VEPH1: variants seen among roughly 807,000 people sequenced by gnomAD.
The protein encoded by VEPH1 is ventricular zone-expressed PH domain-containing protein homolog 1.
Under a neutral mutation model 85.2 loss-of-function variants are expected in VEPH1, and 80 were observed. The ratio of observed to expected loss-of-function variants is 0.94; its 90% CI spans 0.78 to 1.13. VEPH1 has a LOEUF of 1.13. VEPH1 is among the 50% of genes most tolerant of loss of function. VEPH1 has a pLI of 0.00. For synonymous variants in VEPH1, 297 were observed against 348.0 expected, an observed-to-expected ratio of 0.85 and a Z score of 1.63; for missense variants, 955 against 980.5, an observed-to-expected ratio of 0.97 and a Z score of 0.35.
At chr3:157,281,757 C>T (rs898636156) in intron 12 of VEPH1, among the ~76,000 whole-genome samples, 2 of 152,022 alleles carry the variant, frequency 1.3e-5, no homozygotes, top group African/African-American at 2.4e-5. Context: ...AGGATGGTCT[C>T]GATTTCCTGA....
intron 2 of VEPH1, among the ~76,000 whole-genome samples, chr3:157,485,380 A>G (rs1370228436): frequency 6.6e-6 from 1 of 152,216 alleles, no homozygotes; most frequent in African/African-American, 2.4e-5. Context: ...GAAGATTGTC[A>G]TCAATTATAA....
At chr3:157,427,797 G>A (rs1363615546) in intron 5 of VEPH1, among the ~76,000 whole-genome samples, 7 of 152,144 alleles carry the variant, frequency 4.6e-5, no homozygotes, top group African/African-American at 1.7e-4. Flanking sequence ...GGGTCATGGG[G>A]CACCCAGATA....
intron 2 of VEPH1, among the ~76,000 whole-genome samples, chr3:157,487,858 T>A (rs937162489): frequency 3.9e-5 from 6 of 152,054 alleles, no homozygotes; most frequent in African/African-American, 1.2e-4. Context: ...AAACAATTCT[T>A]AGAAAAACAG....
intron 12 of VEPH1, among the ~76,000 whole-genome samples, chr3:157,269,752 T>C (rs1318953825): frequency 1.3e-5 from 2 of 151,278 alleles, no homozygotes; most frequent in African/African-American, 2.4e-5. Context: ...GATTCAGATA[T>C]GTTATCACAG....
At position 157,363,603 on chromosome 3, in the gene VEPH1, T is replaced by TCTTAAGA. The variant is rs1469280284; in HGVS notation, c.1495_1496insTCTTAAG (p.Glu499ValfsTer30). On this transcript the variant is annotated frameshift_variant, in exon 9 of 14. Coordinates refer to ENST00000362010, the MANE Select transcript of VEPH1 (RefSeq NM_001167912.2). LOFTEE classifies it high-confidence loss of function. ...TGAAGACTCCCCCAGCTGTGATCTC[T>TCTTAAGA]CAGTGTCTGTCTTAAACGGCAGCTT... The TCTTAAGA allele has an allele frequency of 6.2e-7, 1 of 1,614,174 alleles. No homozygotes were observed. Among genetic ancestry groups the TCTTAAGA allele is most frequent in the South Asian group, 1.1e-5 (1 of 91,074 alleles).
chr3:157,430,370 T>G (rs936371821), intron 4 of VEPH1, among the ~76,000 whole-genome samples: 6 of 152,202 alleles, frequency 3.9e-5, no homozygotes, highest in Non-Finnish European at 5.9e-5. Flanking sequence ...ATTCAACATT[T>G]TGTAGGAGTT....
At chr3:157,489,388 C>T (rs1444738211) in intron 2 of VEPH1, 1 of 332,248 alleles carries the variant, frequency 3.0e-6, no homozygotes, top group Non-Finnish European at 6.0e-6. Context: ...TTCTCCAGTA[C>T]AGCCACACTG....
chr3:157,463,513 T>A (rs1370858702), intron 3 of VEPH1, among the ~76,000 whole-genome samples: 1 of 152,150 alleles, frequency 6.6e-6, no homozygotes, highest in Non-Finnish European at 1.5e-5. Flanking sequence ...TTGTCTCCCC[T>A]CCCAGTGAAT....
rs145016554 is a variant in VEPH1, at chr3:157,363,622, G to A, written c.1477C>T (p.Pro493Ser). The A allele has an allele frequency of 1.9e-6, 3 of 1,614,052 alleles. No individual in the cohort carries two copies. The highest frequency in any genetic ancestry group is 4.5e-5 in the East Asian group (2 of 44,884). ...GATCTCTCAGTGTCTGTCTTAAACG[G>A]CAGCTTGTCATTTCCTTGGCCAAGT... ...DPLGQGNDKLPFKTDTERSQL... is the reference protein window; with the variant it reads ...DPLGQGNDKLSFKTDTERSQL... The change falls in exon 9 of 14, where the codon CCG becomes TCG. Residue 493 changes from proline to serine, a missense_variant. By Grantham distance (74) the Pro-to-Ser change is moderately conservative (BLOSUM62 -1). Coordinates refer to ENST00000362010, the MANE Select transcript of VEPH1 (RefSeq NM_001167912.2).
intron 6 of VEPH1, among the ~76,000 whole-genome samples, chr3:157,388,302 C>T (rs906597698): frequency 3.3e-5 from 5 of 152,170 alleles, no homozygotes; most frequent in Admixed American, 2.0e-4. Flanking sequence ...CCATGAGAGT[C>T]TCTTTCTTAA....
intron 6 of VEPH1, among the ~76,000 whole-genome samples, chr3:157,397,590 T>G (rs190152955): frequency 8.2e-4 from 125 of 152,318 alleles, no homozygotes; most frequent in African/African-American, 2.8e-3. Flanking sequence ...TCCTCTCTGA[T>G]TTCCTTGAAC....
At chr3:157,264,422 A>G (rs1713329862) in intron 13 of VEPH1, among the ~76,000 whole-genome samples, 1 of 152,160 alleles carries the variant, frequency 6.6e-6, no homozygotes, top group Non-Finnish European at 1.5e-5. Context: ...TAATTTCATG[A>G]GCCAATTCCC....
intron 11 of VEPH1, among the ~76,000 whole-genome samples, chr3:157,301,282 CTA>C (rs1718769543): frequency 6.6e-6 from 1 of 152,104 alleles, no homozygotes; most frequent in Non-Finnish European, 1.5e-5. Flanking sequence ...TGTATTGGGG[CTA>C]TGAGGAGAAG....
At chr3:157,382,531 C>T (rs1242997295) in intron 6 of VEPH1, among the ~76,000 whole-genome samples, 1 of 152,030 alleles carries the variant, frequency 6.6e-6, no homozygotes, top group African/African-American at 2.4e-5. Context: ...CTTATTTCAC[C>T]TTTAACTTTT....
At chr3:157,480,618 C>A (rs1019779244) in intron 2 of VEPH1, among the ~76,000 whole-genome samples, 2 of 152,122 alleles carry the variant, frequency 1.3e-5, no homozygotes, top group Non-Finnish European at 2.9e-5. Context: ...CATGTTGCTG[C>A]AAAGGACATG....
intron 9 of VEPH1, among the ~76,000 whole-genome samples, chr3:157,351,641 G>T (rs1293721622): frequency 2.0e-5 from 3 of 152,148 alleles, no homozygotes; most frequent in Non-Finnish European, 4.4e-5. Flanking sequence ...GAAACACCTG[G>T]TTGGAGGTGG....
chr3:157,321,534 C>T (rs1721349870), intron 9 of VEPH1, among the ~76,000 whole-genome samples: 1 of 152,194 alleles, frequency 6.6e-6, no homozygotes, highest in South Asian at 2.1e-4. Context: ...ATCAAACTTC[C>T]AGGAAGCAGC....
At chr3:157,422,582 C>A (rs1732427772) in intron 5 of VEPH1, among the ~76,000 whole-genome samples, 1 of 152,172 alleles carries the variant, frequency 6.6e-6, no homozygotes, top group Non-Finnish European at 1.5e-5. Context: ...CAGTTGGGGA[C>A]CTCTGCTCTA....
At chr3:157,280,799 T>C (rs1716001530) in intron 12 of VEPH1, among the ~76,000 whole-genome samples, 1 of 152,218 alleles carries the variant, frequency 6.6e-6, no homozygotes, top group South Asian at 2.1e-4. Flanking sequence ...TCAAAACAAA[T>C]TCGATTTTTT....
Sources: allele counts gnomAD v4.1 joint callset (sites outside exome capture counted in the v4.1 genomes callset), GRCh38; gene constraint gnomAD v4.1.1; transcripts MANE v1.5; gene names NCBI Gene and HGNC (gene_info 2026-07-23, HGNC 2026-07-21).